Variants in SDK2 observed in about 807,000 individuals in gnomAD.
SDK2 encodes the protein protein sidekick-2.
In SDK2, 105 loss-of-function variants were observed where a neutral mutation model predicts 253.9. The observed-to-expected ratio is 0.41, with a 90% CI of 0.35 to 0.49. SDK2 has a LOEUF of 0.49. Ranked by LOEUF, SDK2 falls within the 20% of genes least tolerant of loss-of-function variation. The pLI is 0.06. For missense variants in SDK2, 2,608 were observed against 3,003.0 expected (o/e 0.87, Z 3.07); for synonymous variants, 1,249 against 1,234.9 (o/e 1.01, Z -0.24).
At position 73,338,645 on chromosome 17, in the gene SDK2, G is replaced by A; in HGVS notation, c.6461C>T (p.Pro2154Leu). ...CCGGGAGCCTGGGGCCAGGCTGCTG[G>A]GGGGACGGTAGAGGGTGCTCTGCTG... Reference protein sequence around the residue: ...PSQQSTLYRPPSSLAPGSRAP... With the variant: ...PSQQSTLYRPLSSLAPGSRAP... The change falls in exon 45 of 45, where the codon CCC becomes CTC. Residue 2154 changes from proline (P) to leucine (L), a missense_variant. Coordinates refer to ENST00000392650, the MANE Select transcript of SDK2 (RefSeq NM_001144952.2). This position sits in a 1 kb window ranked among gnomAD's most constrained non-coding sequence, Gnocchi z 5.0. 6.5e-7 allele frequency: 1 copy of A among 1,545,440 alleles called. No homozygotes were observed. The highest frequency in any genetic ancestry group is 1.3e-5 in the South Asian group (1 of 79,506).
In SDK2 at chr17:73,612,220, C is replaced by T. The variant is rs2045983610; in HGVS notation, c.64+31805G>A. ...ACCACAGTGGTGGCCCAGCTGCACC[C>T]GGGCTGCAGGCCGGCCCCCCACGGT... On this transcript the variant is annotated intron_variant, in intron 1 of 44. Coordinates refer to ENST00000392650, the MANE Select transcript of SDK2 (RefSeq NM_001144952.2). This position sits in a 1 kb window ranked among gnomAD's most constrained non-coding sequence, Gnocchi z 4.4. Among the ~76,000 whole-genome samples, 3 of 151,754 alleles carry T rather than the reference C, an allele frequency of 2.0e-5. No individual in the cohort carries two copies. Among genetic ancestry groups the T allele is most frequent in the Admixed American group, 6.6e-5 (1 of 15,246 alleles).
intron 1 of SDK2, among the ~76,000 whole-genome samples, chr17:73,545,950 T>C (rs907654659): frequency 6.6e-6 from 1 of 152,100 alleles, no homozygotes; most frequent in Non-Finnish European, 1.5e-5. Flanking sequence ...AGGTAGGCTG[T>C]AGAGCAAGGA....
rs1267471804 is a variant in SDK2, at chr17:73,435,916, A to AT, written c.1001-273dup. Reference sequence around the variant, plus strand: ...TTGGACAAACTAATTTATTTATTCTATTTTTTATTTCTATTTGTGTAGAGA... The same window carrying AT: ...TTGGACAAACTAATTTATTTATTCTATTTTTTTATTTCTATTTGTGTAGAGA... On this transcript the variant is annotated intron_variant, in intron 8 of 44. Coordinates refer to ENST00000392650, the MANE Select transcript of SDK2 (RefSeq NM_001144952.2). This position sits in a 1 kb window ranked among gnomAD's most constrained non-coding sequence, Gnocchi z 5.7. Among the ~76,000 whole-genome samples, 1 of 152,012 alleles carries AT rather than the reference A, an allele frequency of 6.6e-6. No homozygotes were observed. Among genetic ancestry groups the AT allele is most frequent in the Non-Finnish European group, 1.5e-5 (1 of 68,000 alleles).
At chr17:73,475,359 C>T (rs969326062) in intron 2 of SDK2, among the ~76,000 whole-genome samples, 2 of 152,138 alleles carry the variant, frequency 1.3e-5, no homozygotes, top group African/African-American at 4.8e-5. Context: ...ACCATGTTGG[C>T]CAGGCTGGTC....
chr17:73,452,248 C>CT (rs2063495485), intron 4 of SDK2, among the ~76,000 whole-genome samples: 1 of 152,184 alleles, frequency 6.6e-6, no homozygotes, highest in Admixed American at 6.5e-5. Context: ...GAGCGGCTCT[C>CT]TGTAGATAGC....
At chr17:73,622,078 C>T (rs2046139771) in intron 1 of SDK2, among the ~76,000 whole-genome samples, 1 of 152,166 alleles carries the variant, frequency 6.6e-6, no homozygotes, top group African/African-American at 2.4e-5. Flanking sequence ...TGGTACAGAC[C>T]TGGACACCAA....
intron 1 of SDK2, among the ~76,000 whole-genome samples, chr17:73,638,089 TGTGCTGGATGTA>T (rs1276699250): frequency 6.6e-6 from 1 of 152,028 alleles, no homozygotes; most frequent in Non-Finnish European, 1.5e-5. Flanking sequence ...TGGCATGGGG[TGTGCTGGATGTA>T]CAGAGACGAG....
At chr17:73,373,572 T>G (rs2062753779) in intron 36 of SDK2, among the ~76,000 whole-genome samples, 1 of 152,220 alleles carries the variant, frequency 6.6e-6, no homozygotes, top group African/African-American at 2.4e-5. Context: ...TGATGGGATA[T>G]CTCACTGTGG....
At position 73,496,885 on chromosome 17, in the gene SDK2, G is replaced by A. The variant is rs576333855; in HGVS notation, c.224+10553C>T. Among the ~76,000 whole-genome samples, 6 of 152,156 alleles carry A rather than the reference G, an allele frequency of 3.9e-5. No individual in the cohort carries two copies. The highest frequency in any genetic ancestry group is 2.6e-4 in the Admixed American group (4 of 15,274). On this transcript the variant is annotated intron_variant, in intron 2 of 44. Transcript: ENST00000392650. The surrounding 1 kb of genome is among the most constrained non-coding windows in gnomAD (Gnocchi z 4.7). ...TTCTATGTCCCTAAATTGAGCTGAC[G>A]ATTTATTTATTTGTTTTTATTTATG...
intron 43 of SDK2, among the ~76,000 whole-genome samples, chr17:73,348,928 G>A (rs562024354): frequency 6.6e-6 from 1 of 152,216 alleles, no homozygotes; most frequent in Non-Finnish European, 1.5e-5. Context: ...TGGGGTGCCC[G>A]GCTAATGCTG....
intron 1 of SDK2, among the ~76,000 whole-genome samples, chr17:73,540,307 C>T (rs898980240): frequency 6.6e-6 from 1 of 152,230 alleles, no homozygotes; most frequent in African/African-American, 2.4e-5. Context: ...CAGCATGTGA[C>T]TTTGTTACTG....
In SDK2 at chr17:73,534,367, A is replaced by G. The variant is rs2145809112; in HGVS notation, c.65-26770T>C. 6.6e-6 allele frequency among the ~76,000 whole-genome samples: 1 copy of G among 152,296 alleles called. No homozygotes were observed. The highest frequency in any genetic ancestry group is 1.5e-5 in the Non-Finnish European group (1 of 68,026). ...ATTCTGAGGAAGGTGGCACTGGGCA[A>G]GGCAGGGACCAGGAAAAAAGCATTC... On this transcript the variant is annotated intron_variant, in intron 1 of 44. Coordinates refer to ENST00000392650, the MANE Select transcript of SDK2 (RefSeq NM_001144952.2). The surrounding 1 kb of genome is among the most constrained non-coding windows in gnomAD (Gnocchi z 4.9).
chr17:73,415,979 C>T lies in SDK2; in HGVS notation c.2200G>A (p.Gly734Arg), dbSNP rs151029567. The T allele has an allele frequency of 6.9e-4, 1,107 of 1,610,370 alleles. 2 individuals are homozygous for T. The highest frequency in any genetic ancestry group is 5.0e-4 in the Non-Finnish European group (589 of 1,178,624). The change falls in exon 17 of 45, where the codon GGG becomes AGG. Residue 734 changes from glycine (G) to arginine (R), a missense_variant. By Grantham distance (125) the Gly-to-Arg change is moderately radical. Transcript: ENST00000392650. ...KGYIIRYCLA[G>R]LPVGYQFKNI... ...TTAAACTGGTACCCCACGGGCAGCCCGGCCAGGCAGTACCTGAGGGGAAGA... is the reference window on the plus strand; with the variant it reads ...TTAAACTGGTACCCCACGGGCAGCCTGGCCAGGCAGTACCTGAGGGGAAGA...
At chr17:73,601,731 G>A (rs1189762226) in intron 1 of SDK2, among the ~76,000 whole-genome samples, 2 of 151,170 alleles carry the variant, frequency 1.3e-5, no homozygotes, top group Non-Finnish European at 3.0e-5. Flanking sequence ...TGGACATCCA[G>A]ACTCCAGAAC....
intron 2 of SDK2, among the ~76,000 whole-genome samples, chr17:73,486,756 G>A (rs1160247360): frequency 2.0e-5 from 3 of 152,100 alleles, no homozygotes; most frequent in African/African-American, 7.2e-5. Context: ...GTTAACTGAA[G>A]CAGGGTGACA....
chr17:73,379,709 C>A lies in SDK2; in HGVS notation c.4763-160G>T, dbSNP rs757871660. Among the ~76,000 whole-genome samples the A allele has an allele frequency of 6.6e-6, 1 of 152,074 alleles. No individual in the cohort carries two copies. The highest frequency in any genetic ancestry group is 6.5e-5 in the Admixed American group (1 of 15,274). ...ATGAAGGAGGAGGTGAGAGGCGGGG[C>A]CCCCAGGGGACGCTCTGTGCCAATC... On this transcript the variant is annotated intron_variant, in intron 34 of 44. Coordinates refer to ENST00000392650, the MANE Select transcript of SDK2 (RefSeq NM_001144952.2). The surrounding 1 kb of genome is among the most constrained non-coding windows in gnomAD (Gnocchi z 4.5).
chr17:73,390,621 T>A (rs1374025768), intron 28 of SDK2, 140 bp from the exon 29 acceptor site: 1 of 874,506 alleles, frequency 1.1e-6, no homozygotes, highest in East Asian at 2.7e-5. Flanking sequence ...GTGGTCTGTC[T>A]GCCTGAGGTC....
chr17:73,358,067 G>T lies in SDK2; in HGVS notation c.5593+12C>A, dbSNP rs369906390. ...GAGCTGTGGGGTCTCAGCCCAGCAG[G>T]GCGGGGCGCACCTGAAGGTCTGGCC... On this transcript the variant is annotated intron_variant, in intron 40 of 44. Coordinates refer to ENST00000392650, the MANE Select transcript of SDK2 (RefSeq NM_001144952.2). 1.4e-5 allele frequency: 22 copies of T among 1,613,124 alleles called. No homozygotes were observed. Among genetic ancestry groups the T allele is most frequent in the Non-Finnish European group, 1.6e-5 (19 of 1,179,776 alleles).
intron 1 of SDK2, among the ~76,000 whole-genome samples, chr17:73,564,938 T>C (rs944323499): frequency 6.6e-6 from 1 of 152,026 alleles, no homozygotes; most frequent in Non-Finnish European, 1.5e-5. Flanking sequence ...TTTCCCCAGA[T>C]AGCAATAAAC....
Sources: gnomAD v4.1 joint callset for allele counts (sites outside exome capture counted in the v4.1 genomes callset) on GRCh38, gnomAD v4.1.1 for gene constraint, Gnocchi (gnomAD v3.1) non-coding constraint, MANE v1.5 for transcripts, NCBI Gene and HGNC (gene_info 2026-07-23, HGNC 2026-07-21) for gene names.